Variants in CAPS2 observed in about 807,000 individuals in gnomAD.
CAPS2 encodes calcyphosin-2.
In CAPS2, 98 loss-of-function variants were observed where a neutral mutation model predicts 86.5. The observed-to-expected ratio is 1.13, with a 90% CI of 0.96 to 1.34. The LOEUF (loss-of-function observed/expected upper bound fraction) is 1.34, where lower values mean the gene tolerates loss of function less well. Among genes scored for constraint, CAPS2 ranks in the 40% most tolerant of loss-of-function variants. The probability of loss-of-function intolerance (pLI) is 0.00; values close to 1 mark genes in which losing one functional copy is unlikely to be tolerated. For synonymous variants in CAPS2, 210 were observed against 225.1 expected (o/e 0.93, Z 0.60); for missense variants, 729 against 686.8 (o/e 1.06, Z -0.69).
At position 75,321,119 on chromosome 12, in the gene CAPS2, C is replaced by T. The variant is rs534676779; in HGVS notation, c.468+281G>A. Among the ~76,000 whole-genome samples the T allele has an allele frequency of 1.6e-4, 25 of 152,096 alleles. No homozygotes were observed. The South Asian group carries it at 5.0e-3, about 30-fold the overall frequency. Reference sequence around the variant, plus strand: ...CATAATACTGTCTTATTTCTAATCCCAAGGTACGTGAAAAACTTCTAACAG... The same window carrying T: ...CATAATACTGTCTTATTTCTAATCCTAAGGTACGTGAAAAACTTCTAACAG... On this transcript the variant is annotated intron_variant, in intron 5 of 16. Transcript: ENST00000393284.
exon 8 of CAPS2, chr12:75,304,816 G>A (rs867967333): frequency 6.2e-7 from 1 of 1,610,180 alleles, no homozygotes; most frequent in Non-Finnish European, 8.5e-7. Flanking sequence ...AATCTGGAAG[G>A]ATATGATCAC....
intron 7 of CAPS2, among the ~76,000 whole-genome samples, chr12:75,312,016 A>C (rs965480067): frequency 2.0e-5 from 3 of 152,228 alleles, no homozygotes; most frequent in Non-Finnish European, 2.9e-5. Context: ...TCTTTCTGCC[A>C]CACAACTAAA....
At chr12:75,318,410 C>T (rs2039986562) in intron 5 of CAPS2, among the ~76,000 whole-genome samples, 1 of 152,124 alleles carries the variant, frequency 6.6e-6, no homozygotes, top group South Asian at 2.1e-4. Context: ...TTCTGCCTCA[C>T]AGAAAAAGGC....
chr12:75,277,271 T>G (rs1423847222), exon 17 of CAPS2: 1 of 972,532 alleles, frequency 1.0e-6, no homozygotes, highest in Non-Finnish European at 1.2e-6. Flanking sequence ...AACAGAAAAA[T>G]GTGACATGCC....
chr12:75,346,110 C>A, intron 1 of CAPS2, among the ~76,000 whole-genome samples: 1 of 152,046 alleles, frequency 6.6e-6, no homozygotes, highest in Non-Finnish European at 1.5e-5. Context: ...ACATCGTAAA[C>A]CTACATAGTG....
upstream of CAPS2, chr12:75,326,510 T>C (rs1236808845): frequency 6.6e-7 from 1 of 1,508,224 alleles, no homozygotes; most frequent in Admixed American, 2.0e-5. Context: ...TGAGTTCCTG[T>C]GTTTATCATG....
At chr12:75,276,031 C>A, downstream of CAPS2, 1 of 541,876 alleles carries the variant, frequency 1.8e-6, no homozygotes, top group Non-Finnish European at 3.0e-6. Flanking sequence ...ATCAGTTTAC[C>A]TCAGAAGTTT....
intron 11 of CAPS2, among the ~76,000 whole-genome samples, chr12:75,294,717 T>C (rs951914731): frequency 6.6e-6 from 1 of 152,190 alleles, no homozygotes; most frequent in Non-Finnish European, 1.5e-5. Flanking sequence ...GGAGTCTTCT[T>C]ACTTGAGGAC....
chr12:75,298,874 T>C lies in CAPS2; in HGVS notation c.947A>G (p.Asn316Ser). The C allele has an allele frequency of 2.5e-6, 4 of 1,607,510 alleles. No individual in the cohort carries two copies. Among genetic ancestry groups the C allele is most frequent in the South Asian group, 1.1e-5 (1 of 90,302 alleles). The change falls in exon 10 of 17, where the codon AAT becomes AGT. Residue 316 changes from asparagine to serine, a missense_variant. Asn to Ser is a conservative substitution (Grantham distance 46). Transcript: ENST00000393284. The stretch of plus-strand genomic sequence containing the variant: ...CTAACAATGTTTAATGGCATACCTA[T>C]TTTTCCCAAATTGTCGATATTCATA...
chr12:75,344,191 T>G (rs537888984), intron 1 of CAPS2, among the ~76,000 whole-genome samples: 1 of 152,112 alleles, frequency 6.6e-6, no homozygotes, highest in Admixed American at 6.5e-5. Flanking sequence ...GGCCATTGTT[T>G]CTGGAAATAC....
At chr12:75,316,748 TAAATA>T (rs2039810057) in intron 5 of CAPS2, among the ~76,000 whole-genome samples, 1 of 152,148 alleles carries the variant, frequency 6.6e-6, no homozygotes, top group African/African-American at 2.4e-5. Flanking sequence ...TAGTAAGCAT[TAAATA>T]AAAGTTAGCA....
chr12:75,356,802 C>A (rs936007032), intron 1 of CAPS2, among the ~76,000 whole-genome samples: 1 of 152,056 alleles, frequency 6.6e-6, no homozygotes, highest in Non-Finnish European at 1.5e-5. Flanking sequence ...CTATGAAAAA[C>A]TTTAGGATTC....
intron 7 of CAPS2, among the ~76,000 whole-genome samples, chr12:75,306,546 C>G (rs2038525892): frequency 6.6e-6 from 1 of 152,166 alleles, no homozygotes; most frequent in Admixed American, 6.5e-5. Context: ...TTAGGACATA[C>G]GCATGTTTGT....
At chr12:75,288,771 C>A (rs2035338661) in intron 14 of CAPS2, among the ~76,000 whole-genome samples, 1 of 152,190 alleles carries the variant, frequency 6.6e-6, no homozygotes, top group East Asian at 1.9e-4. Context: ...ATGCTGGGTT[C>A]TATTTCAGAT....
chr12:75,316,337 T>C (rs1422561450), exon 6 of CAPS2: 8 of 1,551,022 alleles, frequency 5.2e-6, no homozygotes, highest in Non-Finnish European at 6.1e-6. Context: ...TGCCCTCTGT[T>C]GTTTATCGCA....
At chr12:75,343,977 T>C (rs763421295) in intron 1 of CAPS2, 1 of 1,506,980 alleles carries the variant, frequency 6.6e-7, no homozygotes, top group Admixed American at 2.0e-5. Flanking sequence ...TTCTTATTTG[T>C]GCATATTTTA....
chr12:75,331,470 C>T (rs1364470193), upstream of CAPS2, among the ~76,000 whole-genome samples: 2 of 152,072 alleles, frequency 1.3e-5, no homozygotes, highest in African/African-American at 4.8e-5. Flanking sequence ...CTGCTGCACT[C>T]CATAAAATTC....
chr12:75,301,906 CA>C (rs1476943288), intron 8 of CAPS2, among the ~76,000 whole-genome samples: 1 of 152,140 alleles, frequency 6.6e-6, no homozygotes, highest in Non-Finnish European at 1.5e-5. Context: ...AAAGAAGAAT[CA>C]GAAAGACTGA....
chr12:75,348,379 G>C (rs1302175617), intron 1 of CAPS2, among the ~76,000 whole-genome samples: 2 of 152,158 alleles, frequency 1.3e-5, no homozygotes, highest in African/African-American at 4.8e-5. Context: ...AAAAGTACTA[G>C]AGAGAGGCAG....
Sources: allele counts gnomAD v4.1 joint callset (sites outside exome capture counted in the v4.1 genomes callset), GRCh38; gene constraint gnomAD v4.1.1; transcripts MANE v1.5; gene names NCBI Gene and HGNC (gene_info 2026-07-23, HGNC 2026-07-21).